INPP5F: variants seen among roughly 807,000 people sequenced by gnomAD.
The protein encoded by INPP5F is phosphatidylinositide 4-phosphatase SAC2.
INPP5F carries 97 observed loss-of-function variants against 137.2 expected under a neutral mutation model. The observed-to-expected ratio is 0.71, with a 90% CI of 0.60 to 0.84. The LOEUF is 0.84. Among genes scored for constraint, INPP5F ranks in the 40% least tolerant of loss-of-function variants. The probability of loss-of-function intolerance (pLI) is 0.00; values close to 1 mark genes in which losing one functional copy is unlikely to be tolerated. For synonymous variants in INPP5F, 504 were observed against 476.9 expected, an observed-to-expected ratio of 1.06 and a Z score of -0.74; for missense variants, 1,271 against 1,371.9, an observed-to-expected ratio of 0.93 and a Z score of 1.16.
chr10:119,820,988 C>A, intron 16 of INPP5F, 71 bp downstream of exon 16: 2 of 970,492 alleles, frequency 2.1e-6, no homozygotes, highest in South Asian at 1.3e-5. Flanking sequence ...TTTTAGAATT[C>A]GTAACAAAAA....
At chr10:119,752,276 A>T (rs1030580938) in intron 2 of INPP5F, among the ~76,000 whole-genome samples, 13 of 152,178 alleles carry the variant, frequency 8.5e-5, no homozygotes, top group Admixed American at 8.5e-4. Flanking sequence ...GCATGTATCT[A>T]CCACCTAGGT....
chr10:119,747,867 T>C (rs561005724), intron 1 of INPP5F, among the ~76,000 whole-genome samples: 187 of 152,352 alleles, frequency 1.2e-3, no homozygotes, highest in Admixed American at 2.5e-3. Context: ...AAAATACTCA[T>C]GAAATTTTAG....
intron 15 of INPP5F, chr10:119,819,389 G>T: frequency 7.2e-7 from 1 of 1,394,398 alleles, no homozygotes; most frequent in East Asian, 2.7e-5. Flanking sequence ...TTTTTGACTG[G>T]GGATCATGTT....
rs142845724 is a variant in INPP5F, at chr10:119,767,646, T to C, written c.179-13989T>C. Among the ~76,000 whole-genome samples, 399 of 152,260 alleles carry C rather than the reference T, an allele frequency of 2.6e-3. 1 individual carries two copies. Among genetic ancestry groups the C allele is most frequent in the African/African-American group, 8.7e-3 (363 of 41,552 alleles). On this transcript the variant is annotated intron_variant, in intron 2 of 19. Transcript: ENST00000650623. ...AAAGATGTTTATACTAGAAAAACAA[T>C]AAAATCCATCTACATGCTTACTTTC...
intron 1 of INPP5F, among the ~76,000 whole-genome samples, chr10:119,743,586 G>C (rs1273128829): frequency 6.6e-6 from 1 of 150,948 alleles, no homozygotes; most frequent in African/African-American, 2.4e-5. Context: ...AGAAGTGGGT[G>C]GGGAGTCGGA....
chr10:119,726,311 C>T lies in INPP5F; in HGVS notation c.49C>T (p.Arg17Cys), dbSNP rs1293014336. Residue 17 changes from arginine (R) to cysteine (C), a missense_variant, in exon 1 of 20, where the codon CGC becomes TGC. Physicochemically the swap from Arg to Cys is radical, Grantham distance 180 (BLOSUM62 -3). Transcript: ENST00000650623. ...CCACTACATCCTGCAGCAGGGCGAG[C>T]GCGCGCTGTGGTGCAGCCGCCGCGA... ...KDHYILQQGE[R>C]ALWCSRRDGG... 8 of 1,484,316 alleles carry T rather than the reference C, an allele frequency of 5.4e-6. 1 individual carries two copies. The highest frequency in any genetic ancestry group is 2.2e-5 in the Admixed American group (1 of 45,306). 91.9% of individuals were successfully genotyped at this position (1,484,316 alleles called of 1,614,324 possible). A position where few individuals can be genotyped will look rare whatever the true frequency, so the allele number is the denominator to read the frequency against.
chr10:119,742,214 G>T (rs996096821), intron 1 of INPP5F, among the ~76,000 whole-genome samples: 1 of 149,486 alleles, frequency 6.7e-6, no homozygotes, highest in East Asian at 2.0e-4. Flanking sequence ...GGAGTGCAGT[G>T]GCGCGATCTC....
At chr10:119,744,376 A>G (rs915090228) in intron 1 of INPP5F, among the ~76,000 whole-genome samples, 2 of 152,212 alleles carry the variant, frequency 1.3e-5, no homozygotes, top group African/African-American at 4.8e-5. Flanking sequence ...AGTCAAGGGC[A>G]TAGGATACAC....
chr10:119,818,638 A>G (rs765101507), intron 15 of INPP5F: 1 of 152,332 alleles, frequency 6.6e-6, no homozygotes, highest in Non-Finnish European at 1.5e-5. Flanking sequence ...ACTGGCCGCC[A>G]GCCGAGGACG....
At chr10:119,744,022 G>T (rs1282731608) in intron 1 of INPP5F, among the ~76,000 whole-genome samples, 3 of 152,156 alleles carry the variant, frequency 2.0e-5, no homozygotes, top group South Asian at 4.1e-4. Flanking sequence ...TAGCAAGTAC[G>T]TAGAGGGGTT....
chr10:119,803,166 T>C (rs909431924), intron 9 of INPP5F, among the ~76,000 whole-genome samples: 12 of 152,210 alleles, frequency 7.9e-5, no homozygotes, highest in African/African-American at 2.7e-4. Flanking sequence ...TGTCATTTGG[T>C]ACACAGGCTT....
At chr10:119,758,305 A>G (rs1248349955) in intron 2 of INPP5F, among the ~76,000 whole-genome samples, 1 of 152,120 alleles carries the variant, frequency 6.6e-6, no homozygotes, top group African/African-American at 2.4e-5. Context: ...GGACAGGGCC[A>G]GGGGTGGGAG....
intron 19 of INPP5F, 107 bp from the exon 20 acceptor site, chr10:119,826,524 C>A: frequency 1.1e-6 from 1 of 889,654 alleles, no homozygotes; most frequent in African/African-American, 1.7e-5. Context: ...GCACTGTTTT[C>A]AAGAAGTTGG....
intron 2 of INPP5F, among the ~76,000 whole-genome samples, chr10:119,762,353 G>A (rs1849033227): frequency 1.3e-5 from 2 of 152,142 alleles, no homozygotes; most frequent in Non-Finnish European, 2.9e-5. Context: ...TCTTCTCACT[G>A]AGTCCTCACA....
chr10:119,827,003 G>A lies in INPP5F; in HGVS notation c.2622G>A (p.Gln874=). The change falls in exon 20 of 20, where the codon CAG becomes CAA. Residue 874 remains glutamine (Q), a synonymous_variant. Coordinates refer to ENST00000650623, the MANE Select transcript of INPP5F (RefSeq NM_014937.4). ...LTNSKSDEDR[Q]LANSLESVGP... is the part of the protein sequence containing the mutation. ...ATTCTAAGTCTGATGAAGACAGGCA[G>A]CTAGCTAACTCATTAGAGAGTGTAG... is the stretch of plus-strand genomic sequence containing the variant. The A allele has an allele frequency of 6.2e-7, 1 of 1,614,168 alleles. No individual in the cohort carries two copies.
At chr10:119,769,411 G>A (rs117407007) in intron 2 of INPP5F, among the ~76,000 whole-genome samples, 2,395 of 152,242 alleles carry the variant, frequency 0.016, 23 homozygotes, top group Non-Finnish European at 0.025. Context: ...GGGACTGCAG[G>A]CACACACCAC....
rs367822105 is a variant in INPP5F, at chr10:119,777,805, G to A, written c.179-3830G>A. 2.4e-3 allele frequency among the ~76,000 whole-genome samples: 358 copies of A among 152,048 alleles called. 15 individuals carry two copies. The South Asian group carries it at 0.071, about 30-fold the overall frequency. On this transcript the variant is annotated intron_variant, in intron 2 of 19. Coordinates refer to ENST00000650623, the MANE Select transcript of INPP5F (RefSeq NM_014937.4). ...TTCAGTTAATGTTTAATGATAATAG[G>A]GAAATGGCCTATAAAAGCCTTAAAA...
chr10:119,812,089 T>A, intron 15 of INPP5F, 134 bp downstream of exon 15: 1 of 675,984 alleles, frequency 1.5e-6, no homozygotes, highest in Non-Finnish European at 2.5e-6. Context: ...TATGAGCTGG[T>A]AGTGAGGCAA....
In INPP5F at chr10:119,808,000, A is replaced by T; in HGVS notation, c.1509A>T (p.Ile503=). The T allele has an allele frequency of 6.2e-7, 1 of 1,614,048 alleles. No homozygotes were observed. The highest frequency in any genetic ancestry group is 8.5e-7 in the Non-Finnish European group (1 of 1,180,002). Residue 503 remains isoleucine, a synonymous_variant, in exon 13 of 20, where the codon ATA becomes ATT. Transcript: ENST00000650623. ...LPVKCNRIYQ[I]MWANNGDSIS... is the part of the protein sequence containing the mutation. ...TGAAATGTAATCGCATCTACCAGAT[A>T]ATGTGGGCCAATAATGGTGACTCCA...
Sources: allele counts gnomAD v4.1 joint callset (sites outside exome capture counted in the v4.1 genomes callset), GRCh38; gene constraint gnomAD v4.1.1; transcripts MANE v1.5; gene names NCBI Gene and HGNC (gene_info 2026-07-23, HGNC 2026-07-21).